Variants in PIK3R5 observed in about 807,000 individuals in gnomAD.
The protein encoded by PIK3R5 is phosphoinositide 3-kinase regulatory subunit 5.
A neutral mutation model predicts 94.9 loss-of-function variants in PIK3R5; 32 were observed. The ratio of observed to expected loss-of-function variants is 0.34; its 90% CI spans 0.25 to 0.45. The LOEUF is 0.45. PIK3R5 is among the 20% of genes least tolerant of loss of function. The pLI is 1.00. For missense variants in PIK3R5, 853 were observed against 1,144.6 expected, an observed-to-expected ratio of 0.75 and a Z score of 3.68; for synonymous variants, 443 against 479.4, an observed-to-expected ratio of 0.92 and a Z score of 0.99.
chr17:8,958,834 C>G (rs939023785), intron 1 of PIK3R5, among the ~76,000 whole-genome samples: 3 of 151,728 alleles, frequency 2.0e-5, no homozygotes, highest in Non-Finnish European at 4.4e-5. Flanking sequence ...TCTCGGCTCA[C>G]CACAACCTCC....
rs61759571 is a variant in PIK3R5 at position 8,911,234 on chromosome 17, C to T, written c.103+158G>A. Among the ~76,000 whole-genome samples, 754 of 152,274 alleles carry T rather than the reference C, an allele frequency of 5.0e-3. 5 individuals are homozygous for T. The highest frequency in any genetic ancestry group is 0.017 in the African/African-American group (707 of 41,554). On this transcript the variant is annotated intron_variant, in intron 2 of 18. Transcript: ENST00000447110. This position sits in a 1 kb window ranked among gnomAD's most constrained non-coding sequence, Gnocchi z 5.3. Reference sequence around the variant, plus strand: ...TGAGGTCTGACTACATCAAGTGCTGCGCCAGGCACCTGCCCAGGAGAAGGC... The same window carrying T: ...TGAGGTCTGACTACATCAAGTGCTGTGCCAGGCACCTGCCCAGGAGAAGGC...
intron 1 of PIK3R5, among the ~76,000 whole-genome samples, chr17:8,926,714 A>G (rs2090891100): frequency 2.6e-5 from 4 of 152,168 alleles, no homozygotes; most frequent in Non-Finnish European, 4.4e-5. Context: ...CATGGGAATT[A>G]TGGGAGTACA....
rs1442673896 is a variant in PIK3R5 at position 8,936,647 on chromosome 17, T to C, written c.-13-25140A>G. 2.6e-5 allele frequency among the ~76,000 whole-genome samples: 4 copies of C among 152,364 alleles called. 1 individual carries two copies. Among genetic ancestry groups the C allele is most frequent in the African/African-American group, 2.4e-5 (1 of 41,594 alleles). The stretch of plus-strand genomic sequence containing the variant: ...ATTCCATTGTATGGATGCACCTTTA[T>C]AGTAAGTCTTACAAGTCTCTATAGC... On this transcript the variant is annotated intron_variant, in intron 1 of 18. Transcript: ENST00000447110.
intron 1 of PIK3R5, among the ~76,000 whole-genome samples, chr17:8,943,127 T>G (rs902947892): frequency 6.6e-6 from 1 of 151,624 alleles, no homozygotes; most frequent in Admixed American, 6.6e-5. Flanking sequence ...CAGGCTGGAG[T>G]GCAGTGACAC....
intron 1 of PIK3R5, among the ~76,000 whole-genome samples, chr17:8,930,187 G>C (rs1251654546): frequency 6.6e-6 from 1 of 151,876 alleles, no homozygotes; most frequent in Non-Finnish European, 1.5e-5. Flanking sequence ...TCATATCTTG[G>C]GCCTTAAAAC....
chr17:8,936,420 T>C (rs1478402847), intron 1 of PIK3R5, among the ~76,000 whole-genome samples: 1 of 152,218 alleles, frequency 6.6e-6, no homozygotes, highest in Admixed American at 6.5e-5. Context: ...CTATTCATCC[T>C]ACTCCCTCCA....
In PIK3R5 at chr17:8,881,958, G is replaced by T; in HGVS notation, c.2206-77C>A. 9.1e-7 allele frequency: 1 copy of T among 1,103,378 alleles called. No homozygotes were observed. The highest frequency in any genetic ancestry group is 1.4e-6 in the Non-Finnish European group (1 of 735,566). 68.3% of individuals were successfully genotyped at this position (1,103,378 alleles called of 1,614,324 possible). On this transcript the variant is annotated intron_variant, in intron 15 of 18. Coordinates refer to ENST00000447110, the MANE Select transcript of PIK3R5 (RefSeq NM_001142633.3). The surrounding 1 kb of genome is among the most constrained non-coding windows in gnomAD (Gnocchi z 4.8). ...CTGCCTTCTCTTTGAAGGCCCATCA[G>T]TGACAGGGGGTTGCCTCTAGTTAGC...
At chr17:8,895,023 A>G (rs2090120357) in intron 5 of PIK3R5, among the ~76,000 whole-genome samples, 1 of 152,152 alleles carries the variant, frequency 6.6e-6, no homozygotes, top group Non-Finnish European at 1.5e-5. Flanking sequence ...CGTGATGTTT[A>G]CTTTATGTAA....
chr17:8,902,495 G>A (rs955657430), intron 5 of PIK3R5, among the ~76,000 whole-genome samples: 29 of 151,936 alleles, frequency 1.9e-4, no homozygotes, highest in African/African-American at 7.0e-4. Flanking sequence ...CTCATGATCT[G>A]CCCACCTCGG....
In PIK3R5 at chr17:8,890,229, C is replaced by A; in HGVS notation, c.658-103G>T. 8.1e-7 allele frequency: 1 copy of A among 1,234,250 alleles called. No individual in the cohort carries two copies. Among genetic ancestry groups the A allele is most frequent in the Non-Finnish European group, 1.1e-6 (1 of 875,012 alleles). 76.5% of individuals were successfully genotyped at this position (1,234,250 alleles called of 1,614,324 possible). ...ACTGAGGGAGGCAGTGATCTGTCCC[C>A]TCCCAGCCTCATCACCCATCTCCTA... On this transcript the variant is annotated intron_variant, in intron 7 of 18. Coordinates refer to ENST00000447110, the MANE Select transcript of PIK3R5 (RefSeq NM_001142633.3). The surrounding 1 kb of genome is among the most constrained non-coding windows in gnomAD (Gnocchi z 6.1).
chr17:8,898,640 T>A (rs1260144803), intron 5 of PIK3R5, among the ~76,000 whole-genome samples: 1 of 152,178 alleles, frequency 6.6e-6, no homozygotes, highest in Non-Finnish European at 1.5e-5. Flanking sequence ...GAGGGTTAGA[T>A]GGGACCAACC....
chr17:8,886,558 C>T lies in PIK3R5; in HGVS notation c.1953G>A (p.Gln651=). The change falls in exon 13 of 19, where the codon CAG becomes CAA. Residue 651 remains glutamine, a synonymous_variant. Transcript: ENST00000447110. ...GTAGCATGTCAGCCAGGATGGGCAG[C>T]TGGGTTGGGGAGCCCTCCAGGGCCT... ...EAQALEGSPT[Q]LPILADMLLY... 2 of 1,612,058 alleles carry T rather than the reference C, an allele frequency of 1.2e-6. No individual in the cohort carries two copies. The highest frequency in any genetic ancestry group is 1.7e-6 in the Non-Finnish European group (2 of 1,179,058).
chr17:8,943,949 G>A (rs930208524), intron 1 of PIK3R5, among the ~76,000 whole-genome samples: 17 of 150,496 alleles, frequency 1.1e-4, no homozygotes, highest in African/African-American at 2.4e-4. Context: ...TGGTAAACTC[G>A]TGTCACGGGG....
At chr17:8,923,005 C>T (rs1016471393) in intron 1 of PIK3R5, among the ~76,000 whole-genome samples, 14 of 152,226 alleles carry the variant, frequency 9.2e-5, no homozygotes, top group Middle Eastern at 3.4e-3. Context: ...GGGAAGACCA[C>T]AGTTGTGGTC....
chr17:8,905,793 G>T, intron 3 of PIK3R5, 56 bp from the exon 4 acceptor site: 1 of 1,196,504 alleles, frequency 8.4e-7, no homozygotes, highest in Non-Finnish European at 1.2e-6. Context: ...AGGGCTCCCT[G>T]AGGCAGAATA....
intron 1 of PIK3R5, among the ~76,000 whole-genome samples, chr17:8,954,184 A>G (rs1426296053): frequency 6.6e-6 from 1 of 152,230 alleles, no homozygotes; most frequent in Non-Finnish European, 1.5e-5. Context: ...AGATTTCCAC[A>G]TTAGACTCAG....
chr17:8,917,424 G>T (rs1222916179), intron 1 of PIK3R5, among the ~76,000 whole-genome samples: 1 of 152,122 alleles, frequency 6.6e-6, no homozygotes. Context: ...CCACACTGAC[G>T]GGGATAGGGA....
At position 8,881,167 on chromosome 17, in the gene PIK3R5, T is replaced by A; in HGVS notation, c.2383-150A>T. 1.5e-6 allele frequency: 1 copy of A among 660,884 alleles called. No homozygotes were observed. The highest frequency in any genetic ancestry group is 2.7e-6 in the Non-Finnish European group (1 of 366,940). 40.9% of individuals were successfully genotyped at this position (660,884 alleles called of 1,614,324 possible). A position where few individuals can be genotyped will look rare whatever the true frequency, so the allele number is the denominator to read the frequency against. On this transcript the variant is annotated intron_variant, in intron 17 of 18. Transcript: ENST00000447110. The surrounding 1 kb of genome is among the most constrained non-coding windows in gnomAD (Gnocchi z 4.8). Reference sequence around the variant, plus strand: ...CTGCGCTCCAGGGTTAATGGCCAGGTCACAGGAGGGAGCCTGAGGCCTCCA... The same window carrying A: ...CTGCGCTCCAGGGTTAATGGCCAGGACACAGGAGGGAGCCTGAGGCCTCCA...
chr17:8,957,160 C>A (rs1427665831), intron 1 of PIK3R5, among the ~76,000 whole-genome samples: 5 of 152,200 alleles, frequency 3.3e-5, no homozygotes, highest in African/African-American at 9.6e-5. Context: ...TAGAGAACTA[C>A]AGGCTCTTTA....
Sources: gnomAD v4.1 joint callset for allele counts (sites outside exome capture counted in the v4.1 genomes callset) on GRCh38, gnomAD v4.1.1 for gene constraint, Gnocchi (gnomAD v3.1) non-coding constraint, MANE v1.5 for transcripts, NCBI Gene and HGNC (gene_info 2026-07-23, HGNC 2026-07-21) for gene names.